MRRF: variants seen among roughly 807,000 people sequenced by gnomAD.
MRRF encodes the protein mitochondrial ribosome recycling factor.
In MRRF, 18 loss-of-function variants were observed where a neutral mutation model predicts 25.1. That is an observed-to-expected ratio of 0.72 (90% CI 0.50 to 1.06). The LOEUF is 1.06. MRRF is among the 50% of genes least tolerant of loss of function. The pLI is 0.00. For missense variants in MRRF, 323 were observed against 319.3 expected, an observed-to-expected ratio of 1.01 and a Z score of -0.09; for synonymous variants, 113 against 112.1, an observed-to-expected ratio of 1.01 and a Z score of -0.05.
At chr9:122,280,386 G>A (rs1833025551) in intron 2 of MRRF, 57 bp from the exon 3 acceptor site, 3 of 1,586,946 alleles carry the variant, frequency 1.9e-6, no homozygotes, top group Non-Finnish European at 2.6e-6. Context: ...TTCACCAATT[G>A]CTTATTGGCT....
intron 5 of MRRF, among the ~76,000 whole-genome samples, chr9:122,304,887 C>G (rs1267290864): frequency 1.3e-5 from 2 of 151,910 alleles, no homozygotes; most frequent in African/African-American, 4.8e-5. Flanking sequence ...CTGTGTCTGC[C>G]AAGAACTTGT....
chr9:122,310,920 C>T (rs1393529733), intron 5 of MRRF, among the ~76,000 whole-genome samples: 9 of 152,120 alleles, frequency 5.9e-5, no homozygotes, highest in Admixed American at 5.9e-4. Context: ...TGTTTATTTT[C>T]TAAAACAGAT....
chr9:122,315,770 T>G (rs545968048), intron 6 of MRRF, among the ~76,000 whole-genome samples: 1 of 151,984 alleles, frequency 6.6e-6, no homozygotes, highest in East Asian at 1.9e-4. Flanking sequence ...CTATGGACCT[T>G]CAGGGCCTGC....
At chr9:122,274,564 G>GTGTGTGTGTT (rs1554817619) in intron 2 of MRRF, among the ~76,000 whole-genome samples, 2 of 150,870 alleles carry the variant, frequency 1.3e-5, no homozygotes, top group Non-Finnish European at 3.0e-5. Context: ...GTGTGTGTGT[G>GTGTGTGTGTT]TGTGTGTGTG....
At chr9:122,312,515 C>T (rs1205129447) in intron 5 of MRRF, among the ~76,000 whole-genome samples, 1 of 152,076 alleles carries the variant, frequency 6.6e-6, no homozygotes, top group Non-Finnish European at 1.5e-5. Flanking sequence ...GTACCCAGAA[C>T]TTAGGATTGT....
At chr9:122,300,029 A>G (rs995670809) in intron 5 of MRRF, among the ~76,000 whole-genome samples, 1 of 152,144 alleles carries the variant, frequency 6.6e-6, no homozygotes, top group African/African-American at 2.4e-5. Context: ...AGGGAGCAGG[A>G]GTAGACCTAG....
chr9:122,291,425 A>G (rs1184514144), intron 4 of MRRF, among the ~76,000 whole-genome samples: 4 of 152,350 alleles, frequency 2.6e-5, no homozygotes, highest in African/African-American at 9.6e-5. Context: ...TGCAGAGACC[A>G]GCCCCCCTCC....
intron 2 of MRRF, among the ~76,000 whole-genome samples, chr9:122,272,309 C>G (rs1832509474): frequency 6.6e-6 from 1 of 152,164 alleles, no homozygotes; most frequent in Non-Finnish European, 1.5e-5. Context: ...AGTTACAGTG[C>G]ATAAGCAGCA....
chr9:122,299,174 T>G (rs1185207371), intron 5 of MRRF, among the ~76,000 whole-genome samples: 1 of 151,154 alleles, frequency 6.6e-6, no homozygotes, highest in Non-Finnish European at 1.5e-5. Context: ...GTGGATCACT[T>G]GAGGTCAAGA....
chr9:122,318,914 C>G (rs1185824772), intron 6 of MRRF, among the ~76,000 whole-genome samples: 2 of 152,130 alleles, frequency 1.3e-5, no homozygotes, highest in South Asian at 2.1e-4. Flanking sequence ...AGTATGGTTG[C>G]TGGTCCTCAG....
rs976516960 is a variant in MRRF at position 122,330,369 on chromosome 9, C to T, written c.*7752C>T. The stretch of plus-strand genomic sequence containing the variant: ...ATCTCCAAAGACAGCAGCTCCTCCG[C>T]GAGCTAGCTGCCCCTGACCGAGGCT... On this transcript the variant is annotated 3_prime_UTR_variant, in exon 7 of 7. Coordinates refer to ENST00000344641, the MANE Select transcript of MRRF (RefSeq NM_138777.5). This position sits in a 1 kb window ranked among gnomAD's most constrained non-coding sequence, Gnocchi z 4.2. The T allele has an allele frequency of 3.3e-5, 5 of 152,240 alleles. No individual in the cohort carries two copies. The highest frequency in any genetic ancestry group is 7.2e-5 in the African/African-American group (3 of 41,438). 9.4% of individuals were successfully genotyped at this position (152,240 alleles called of 1,614,324 possible). A position where few individuals can be genotyped will look rare whatever the true frequency, so the allele number is the denominator to read the frequency against.
chr9:122,281,676 G>A (rs535991530), intron 3 of MRRF, among the ~76,000 whole-genome samples: 46 of 152,312 alleles, frequency 3.0e-4, no homozygotes, highest in African/African-American at 1.1e-3. Context: ...TTTCTGGCCT[G>A]TTAACATTCT....
intron 3 of MRRF, among the ~76,000 whole-genome samples, chr9:122,283,156 C>T (rs1006480164): frequency 4.7e-5 from 7 of 150,180 alleles, no homozygotes; most frequent in African/African-American, 1.7e-4. Context: ...TGCAATGGCG[C>T]GATCTCGGCT....
chr9:122,277,322 A>G (rs564571190), intron 2 of MRRF, among the ~76,000 whole-genome samples: 4 of 152,066 alleles, frequency 2.6e-5, no homozygotes, highest in African/African-American at 4.8e-5. Context: ...TTGTTTGATG[A>G]TAATGTAGCT....
chr9:122,308,844 A>T (rs1408368672), intron 5 of MRRF, among the ~76,000 whole-genome samples: 1 of 152,132 alleles, frequency 6.6e-6, no homozygotes, highest in Non-Finnish European at 1.5e-5. Context: ...CCGAGACTAC[A>T]GGCGCATACC....
At chr9:122,266,402 G>A (rs924436959) in intron 1 of MRRF, among the ~76,000 whole-genome samples, 6 of 152,134 alleles carry the variant, frequency 3.9e-5, no homozygotes, top group Admixed American at 6.5e-5. Context: ...AATAAAAACG[G>A]AGACAAACAG....
chr9:122,302,354 C>T (rs1042394376), intron 5 of MRRF, among the ~76,000 whole-genome samples: 5 of 152,202 alleles, frequency 3.3e-5, no homozygotes, highest in African/African-American at 1.2e-4. Flanking sequence ...ACTTTGACCG[C>T]AGAACCTTCT....
At chr9:122,308,778 T>C (rs989204274) in intron 5 of MRRF, among the ~76,000 whole-genome samples, 3 of 151,654 alleles carry the variant, frequency 2.0e-5, no homozygotes, top group African/African-American at 7.3e-5. Flanking sequence ...TCATGGCTCA[T>C]TGCAGCCTCA....
Position 122,265,349 on chromosome 9 carries a change from C to T in MRRF, c.-29+411C>T. ...ACCTAGGGCTATCCGACTCCTAAGC[C>T]TGGACTTTTAACCACCACTCTGTGC... On this transcript the variant is annotated intron_variant, in intron 1 of 6. Transcript: ENST00000344641. 2 of 196,154 alleles carry T rather than the reference C, an allele frequency of 1.0e-5. 1 individual carries two copies. The highest frequency in any genetic ancestry group is 2.1e-5 in the Non-Finnish European group (2 of 93,750). The allele number at this position is 196,154 out of a possible 1,614,324, so 12.2% of individuals were successfully genotyped here. A position where few individuals can be genotyped will look rare whatever the true frequency, so the allele number is the denominator to read the frequency against.
Sources: gnomAD v4.1 joint callset for allele counts (sites outside exome capture counted in the v4.1 genomes callset) on GRCh38, gnomAD v4.1.1 for gene constraint, Gnocchi (gnomAD v3.1) non-coding constraint, MANE v1.5 for transcripts, NCBI Gene and HGNC (gene_info 2026-07-23, HGNC 2026-07-21) for gene names.